The following SERINC5 variants were observed in gnomAD, a reference collection of about 807,000 sequenced individuals.
SERINC5 encodes the protein chromosome 5 open reading frame 12.
A neutral mutation model predicts 63.1 loss-of-function variants in SERINC5; 41 were observed. That is an observed-to-expected ratio of 0.65 (90% CI 0.51 to 0.84). The LOEUF is 0.84. SERINC5 is among the 40% of genes least tolerant of loss of function. The pLI is 0.00. For missense variants in SERINC5, 523 were observed against 573.0 expected (o/e 0.91, Z 0.89); for synonymous variants, 222 against 215.2 (o/e 1.03, Z -0.28).
At chr5:80,237,332 G>C (rs1433187487) in intron 1 of SERINC5, among the ~76,000 whole-genome samples, 2 of 136,082 alleles carry the variant, frequency 1.5e-5, no homozygotes, top group Admixed American at 7.9e-5. Context: ...GAGAAGAAGA[G>C]GGCTTTCTCT....
intron 1 of SERINC5, 103 bp downstream of exon 1, chr5:80,255,793 C>T: frequency 7.9e-7 from 1 of 1,260,168 alleles, no homozygotes; most frequent in Non-Finnish European, 1.1e-6. Flanking sequence ...GCCCTACGTT[C>T]GGCCGCGGAG....
At chr5:80,116,629 T>C (rs1465827583) in intron 11 of SERINC5, among the ~76,000 whole-genome samples, 3 of 152,004 alleles carry the variant, frequency 2.0e-5, no homozygotes, top group Non-Finnish European at 4.4e-5. Context: ...ATGACATAAA[T>C]GCCTCCTGTG....
chr5:80,230,445 C>CAAAAAAAAAAAAAAAAAA (rs72476401), intron 1 of SERINC5, among the ~76,000 whole-genome samples: 1 of 93,194 alleles, frequency 1.1e-5, no homozygotes, highest in African/African-American at 5.6e-5. Context: ...AAGACTGTCA[C>CAAAAAAAAAAAAAAAAAA]AAAAAAAAAA....
At position 80,141,101 on chromosome 5, in the gene SERINC5, A is replaced by G. The variant is rs1441060159; in HGVS notation, c.*2562T>C. On this transcript the variant is annotated 3_prime_UTR_variant, in exon 12 of 12. Coordinates refer to ENST00000507668, the MANE Select transcript of SERINC5 (RefSeq NM_001174072.3). The stretch of plus-strand genomic sequence containing the variant: ...CTGAGTATTGTATATCACAATTAAT[A>G]ACCATTAACATTAACTCTGCATTGA... 14 of 985,406 alleles carry G rather than the reference A, an allele frequency of 1.4e-5. No individual in the cohort carries two copies. Among genetic ancestry groups the G allele is most frequent in the Non-Finnish European group, 1.6e-5 (13 of 829,908 alleles). 61.0% of individuals were successfully genotyped at this position (985,406 alleles called of 1,614,324 possible).
intron 1 of SERINC5, among the ~76,000 whole-genome samples, chr5:80,213,310 C>T (rs893447089): frequency 4.0e-5 from 6 of 151,684 alleles, no homozygotes; most frequent in African/African-American, 1.5e-4. Context: ...CAATAGTTAA[C>T]ACTTATTAAT....
At chr5:80,202,012 TAGA>T (rs1416979982) in intron 2 of SERINC5, among the ~76,000 whole-genome samples, 2 of 151,594 alleles carry the variant, frequency 1.3e-5, no homozygotes, top group Non-Finnish European at 2.9e-5. Flanking sequence ...CCAAGGCGGG[TAGA>T]TCACTTGAGG....
At chr5:80,206,305 G>C (rs986820879) in intron 1 of SERINC5, among the ~76,000 whole-genome samples, 1 of 152,108 alleles carries the variant, frequency 6.6e-6, no homozygotes, top group African/African-American at 2.4e-5. Flanking sequence ...AATGAGCTAC[G>C]ATCACAGGTA....
chr5:80,187,947 A>G (rs1331645722), intron 2 of SERINC5, among the ~76,000 whole-genome samples: 1 of 152,222 alleles, frequency 6.6e-6, no homozygotes, highest in East Asian at 1.9e-4. Flanking sequence ...GATGCAGAAC[A>G]GGATTCAACT....
intron 1 of SERINC5, among the ~76,000 whole-genome samples, chr5:80,237,451 A>G (rs1013247108): frequency 6.6e-6 from 1 of 151,784 alleles, no homozygotes; most frequent in Non-Finnish European, 1.5e-5. Context: ...CTCCCACCTC[A>G]GCCTACAGAG....
chr5:80,214,621 G>A (rs770544062), intron 1 of SERINC5, among the ~76,000 whole-genome samples: 1 of 152,136 alleles, frequency 6.6e-6, no homozygotes, highest in Non-Finnish European at 1.5e-5. Flanking sequence ...GTTGGGTCAG[G>A]AGCAGTGGCT....
intron 11 of SERINC5, among the ~76,000 whole-genome samples, chr5:80,131,415 G>T: frequency 6.6e-6 from 1 of 152,190 alleles, no homozygotes; most frequent in Non-Finnish European, 1.5e-5. Flanking sequence ...TCTTGGGTAT[G>T]TCTTTATTAG....
In SERINC5 at chr5:80,142,654, C is replaced by T. The variant is rs1745580466; in HGVS notation, c.*1009G>A. On this transcript the variant is annotated 3_prime_UTR_variant, in exon 12 of 12. Coordinates refer to ENST00000507668, the MANE Select transcript of SERINC5 (RefSeq NM_001174072.3). ...ATGGTCACGTTACAGATCCAGAACA[C>T]AAAACGACTTCCGCTTTTACAGTTT... 2 of 985,418 alleles carry T rather than the reference C, an allele frequency of 2.0e-6. No individual in the cohort carries two copies. The highest frequency in any genetic ancestry group is 2.4e-6 in the Non-Finnish European group (2 of 829,948). 61.0% of individuals were successfully genotyped at this position (985,418 alleles called of 1,614,324 possible). A position where few individuals can be genotyped will look rare whatever the true frequency, so the allele number is the denominator to read the frequency against.
chr5:80,137,642 C>CAA (rs57807742), downstream of SERINC5, among the ~76,000 whole-genome samples: 5 of 104,764 alleles, frequency 4.8e-5, no homozygotes, highest in Admixed American at 1.1e-4. Flanking sequence ...GACTCTAACT[C>CAA]AAAAAAAAAA....
At chr5:80,151,670 A>G (rs1746189160) in intron 8 of SERINC5, among the ~76,000 whole-genome samples, 1 of 152,180 alleles carries the variant, frequency 6.6e-6, no homozygotes, top group Non-Finnish European at 1.5e-5. Context: ...AACACAGAAC[A>G]TTTTAAGCAA....
At chr5:80,245,920 G>C (rs1458711485) in intron 1 of SERINC5, among the ~76,000 whole-genome samples, 1 of 131,414 alleles carries the variant, frequency 7.6e-6, no homozygotes, top group African/African-American at 2.9e-5. Context: ...TGGCCCCAGA[G>C]AATATTTATC....
intron 11 of SERINC5, among the ~76,000 whole-genome samples, chr5:80,122,787 G>C (rs1161248728): frequency 1.3e-5 from 2 of 152,212 alleles, no homozygotes; most frequent in Non-Finnish European, 2.9e-5. Context: ...AATACCTCAA[G>C]GAACTGAAAG....
intron 11 of SERINC5, chr5:80,128,852 CTT>C (rs1744837348): frequency 6.6e-6 from 1 of 152,194 alleles, no homozygotes; most frequent in African/African-American, 2.4e-5. Flanking sequence ...CATTCTTACT[CTT>C]TCCCTCCCTC....
intron 1 of SERINC5, among the ~76,000 whole-genome samples, chr5:80,207,038 G>A (rs1252077604): frequency 2.6e-5 from 4 of 151,658 alleles, no homozygotes; most frequent in Non-Finnish European, 5.9e-5. Flanking sequence ...TCACTCAGTC[G>A]CCCAGGCTGG....
At chr5:80,183,348 T>C (rs1163339761) in intron 2 of SERINC5, among the ~76,000 whole-genome samples, 1 of 152,108 alleles carries the variant, frequency 6.6e-6, no homozygotes, top group Non-Finnish European at 1.5e-5. Flanking sequence ...AGCAGGAGTT[T>C]GCTCTTTAAC....
Sources: allele counts gnomAD v4.1 joint callset (sites outside exome capture counted in the v4.1 genomes callset), GRCh38; gene constraint gnomAD v4.1.1; transcripts MANE v1.5; gene names NCBI Gene and HGNC (gene_info 2026-07-23, HGNC 2026-07-21).